The following PANX1 variants were observed in gnomAD, a reference collection of about 807,000 sequenced individuals.
PANX1 encodes the protein pannexin 1.
PANX1 carries 30 observed loss-of-function variants against 38.7 expected under a neutral mutation model. The observed-to-expected ratio is 0.78, with a 90% confidence interval of 0.58 to 1.05. PANX1 has a LOEUF of 1.05. Among genes scored for constraint, PANX1 ranks in the 50% least tolerant of loss-of-function variants. The pLI, the probability that PANX1 is intolerant of heterozygous loss-of-function variation, is 0.00. For missense variants in PANX1, 551 were observed against 517.2 expected (o/e 1.07, Z -0.63); for synonymous variants, 230 against 212.2 (o/e 1.08, Z -0.73).
At chr11:94,157,745 C>A (rs969326483) in intron 2 of PANX1, among the ~76,000 whole-genome samples, 3 of 152,094 alleles carry the variant, frequency 2.0e-5, no homozygotes, top group South Asian at 4.2e-4. Context: ...CTTTAGTTTA[C>A]TTAGATCCCA....
At chr11:94,150,452 A>G (rs1381894301) in intron 1 of PANX1, among the ~76,000 whole-genome samples, 1 of 152,214 alleles carries the variant, frequency 6.6e-6, no homozygotes, top group Non-Finnish European at 1.5e-5. Context: ...TTTACCTCCC[A>G]ATATTATCTT....
rs1395152801 is a variant in PANX1, at chr11:94,129,103, CCCCGCCGG to C, written c.-208_-201del. ...GCTCTCGGGTTCCCGCCCCGCCCCG[CCCCGCCGG>C]CGGCGGAGGCAGCGAGCGCGAGAGC... On this transcript the variant is annotated 5_prime_UTR_variant, in exon 1 of 5. It removes the in-frame stop codon of an upstream open reading frame in the 5' UTR. Coordinates refer to ENST00000227638, the MANE Select transcript of PANX1 (RefSeq NM_015368.4). 2.2e-6 allele frequency: 1 copy of C among 446,366 alleles called. No individual in the cohort carries two copies. Among genetic ancestry groups the C allele is most frequent in the African/African-American group, 2.1e-5 (1 of 48,130 alleles). 27.7% of individuals were successfully genotyped at this position (446,366 alleles called of 1,614,324 possible). A position where few individuals can be genotyped will look rare whatever the true frequency, so the allele number is the denominator to read the frequency against.
chr11:94,137,017 A>G (rs1591504767), intron 1 of PANX1, among the ~76,000 whole-genome samples: 1 of 151,820 alleles, frequency 6.6e-6, no homozygotes, highest in South Asian at 2.1e-4. Flanking sequence ...GAATGGGGGG[A>G]GGTGCTACAC....
At position 94,179,987 on chromosome 11, in the gene PANX1, A is replaced by C; in HGVS notation, c.931A>C (p.Ile311Leu). 2 of 1,595,490 alleles carry C rather than the reference A, an allele frequency of 1.3e-6. No individual in the cohort carries two copies. The highest frequency in any genetic ancestry group is 1.1e-5 in the South Asian group (1 of 88,556). The change falls in exon 4 of 5, where the codon ATC (isoleucine) becomes CTC (leucine). Residue 311 changes from isoleucine to leucine, a missense_variant. Physicochemically the swap from Ile to Leu is conservative, Grantham distance 5. Transcript: ENST00000227638. ...QKTDVLKVYE[I>L]LPTFDVLHFK... ...GACAGATGTTCTCAAAGTGTACGAA[A>C]TCCTCCCCACTTTTGATGTTCTGCA...
rs564086101 is a variant in PANX1 at position 94,156,570 on chromosome 11, A to G, written c.321+2940A>G. ...CATAGGGACAAGAGTCCTGATTTAA[A>G]TCATTGCAATAGCAGTTGAATGACA... On this transcript the variant is annotated intron_variant, in intron 2 of 4. Coordinates refer to ENST00000227638, the MANE Select transcript of PANX1 (RefSeq NM_015368.4). Among the ~76,000 whole-genome samples, 11 of 151,870 alleles carry G rather than the reference A, an allele frequency of 7.2e-5. 1 individual carries two copies. The South Asian group carries it at 2.1e-3, about 29-fold the overall frequency.
chr11:94,176,074 AG>A (rs1239563573), intron 2 of PANX1, among the ~76,000 whole-genome samples: 1 of 151,652 alleles, frequency 6.6e-6, no homozygotes, highest in Non-Finnish European at 1.5e-5. Context: ...GTTTTTATGT[AG>A]GCAACAATCC....
chr11:94,159,051 T>G lies in PANX1; in HGVS notation c.321+5421T>G, dbSNP rs549092452. 1.4e-4 allele frequency among the ~76,000 whole-genome samples: 22 copies of G among 152,334 alleles called. No individual in the cohort carries two copies. The South Asian group carries it at 3.1e-3, about 22-fold the overall frequency. On this transcript the variant is annotated intron_variant, in intron 2 of 4. Transcript: ENST00000227638. ...GTTCTGTTTATATGCTGGATTACAT[T>G]TATTGATTTGCGTATGTTGAACCAG...
At position 94,175,769 on chromosome 11, in the gene PANX1, A is replaced by C. The variant is rs540184433; in HGVS notation, c.322-2600A>C. The C allele has an allele frequency of 1.7e-4, 170 of 984,816 alleles. 2 individuals are homozygous for C. In the Middle Eastern group the frequency reaches 5.7e-3, roughly 33 times the overall value. The allele number at this position is 984,816 out of a possible 1,614,324, so 61.0% of individuals were successfully genotyped here. A position where few individuals can be genotyped will look rare whatever the true frequency, so the allele number is the denominator to read the frequency against. Reference sequence around the variant, plus strand: ...CAGCCAGCTATGAATTATGCAGCCAAAATTCAGCTAATCACAGCCTGCTTT... The same window carrying C: ...CAGCCAGCTATGAATTATGCAGCCACAATTCAGCTAATCACAGCCTGCTTT... On this transcript the variant is annotated intron_variant, in intron 2 of 4. Transcript: ENST00000227638.
At chr11:94,144,539 C>A (rs1946804948) in intron 1 of PANX1, among the ~76,000 whole-genome samples, 1 of 152,174 alleles carries the variant, frequency 6.6e-6, no homozygotes, top group African/African-American at 2.4e-5. Flanking sequence ...CACACTCCAG[C>A]CATTGACTGC....
intron 1 of PANX1, among the ~76,000 whole-genome samples, chr11:94,142,538 G>A (rs1591508007): frequency 6.6e-6 from 1 of 152,128 alleles, no homozygotes; most frequent in African/African-American, 2.4e-5. Flanking sequence ...GTTTTCTTGC[G>A]CTGTTTTCCA....
At chr11:94,133,553 A>C (rs569219053) in intron 1 of PANX1, among the ~76,000 whole-genome samples, 1 of 152,226 alleles carries the variant, frequency 6.6e-6, no homozygotes, top group South Asian at 2.1e-4. Flanking sequence ...GCTTTTGGAC[A>C]GTGAGATACT....
chr11:94,162,322 G>A (rs60464761), intron 2 of PANX1, among the ~76,000 whole-genome samples: 1 of 152,146 alleles, frequency 6.6e-6, no homozygotes, highest in Admixed American at 6.5e-5. Context: ...CAGAGGTGGA[G>A]TCTACAGAGG....
intron 2 of PANX1, among the ~76,000 whole-genome samples, chr11:94,161,194 T>C (rs1947027330): frequency 6.6e-6 from 1 of 152,164 alleles, no homozygotes; most frequent in Non-Finnish European, 1.5e-5. Context: ...AATCTGACAA[T>C]TATGTGTCTT....
chr11:94,140,139 A>G lies in PANX1; in HGVS notation c.181+10646A>G, dbSNP rs375979666. On this transcript the variant is annotated intron_variant, in intron 1 of 4. Coordinates refer to ENST00000227638, the MANE Select transcript of PANX1 (RefSeq NM_015368.4). Reference sequence around the variant, plus strand: ...GTGAATATTTCAGTATGAAGGATAAATAGGCTATACATGGACTTGGTGCTT... The same window carrying G: ...GTGAATATTTCAGTATGAAGGATAAGTAGGCTATACATGGACTTGGTGCTT... Among the ~76,000 whole-genome samples, 85 of 152,388 alleles carry G rather than the reference A, an allele frequency of 5.6e-4. 2 individuals are homozygous for G. The highest frequency in any genetic ancestry group is 2.0e-3 in the African/African-American group (82 of 41,596).
chr11:94,163,618 A>G (rs1366846410), intron 2 of PANX1, among the ~76,000 whole-genome samples: 1 of 152,174 alleles, frequency 6.6e-6, no homozygotes, highest in African/African-American at 2.4e-5. Flanking sequence ...TTATTGAATC[A>G]GTTTGCTAGG....
In PANX1 at chr11:94,180,090, A is replaced by C; in HGVS notation, c.1034A>C (p.Tyr345Ser). Reference sequence around the variant, plus strand: ...GAAAATATAAGTGAGGTCAAGTCATACAAGTGTCTTAAGGTACTGGAGAAT... The same window carrying C: ...GAAAATATAAGTGAGGTCAAGTCATCCAAGTGTCTTAAGGTACTGGAGAAT... ...LEENISEVKS[Y>S]KCLKVLENIK... The change falls in exon 4 of 5, where the codon TAC becomes TCC. Residue 345 changes from tyrosine to serine, a missense_variant. By Grantham distance (144) the Tyr-to-Ser change is moderately radical. Transcript: ENST00000227638. The C allele has an allele frequency of 6.2e-7, 1 of 1,614,072 alleles. No individual in the cohort carries two copies. Among genetic ancestry groups the C allele is most frequent in the South Asian group, 1.1e-5 (1 of 91,074 alleles).
In PANX1 at chr11:94,178,507, A is replaced by G; in HGVS notation, c.460A>G (p.Ile154Val). 2 of 1,614,124 alleles carry G rather than the reference A, an allele frequency of 1.2e-6. No individual in the cohort carries two copies. The highest frequency in any genetic ancestry group is 1.7e-6 in the Non-Finnish European group (2 of 1,180,022). Residue 154 changes from isoleucine (I) to valine (V), a missense_variant, in exon 3 of 5, where the codon ATT becomes GTT. Transcript: ENST00000227638. ...ACTTGACAAAGTTTACAACCGTGCA[A>G]TTAAGGCTGCAAAGAGTGCGCGTGA... ...EELDKVYNRA[I>V]KAAKSARDLD...
intron 2 of PANX1, among the ~76,000 whole-genome samples, chr11:94,172,241 C>T (rs1159288366): frequency 2.6e-5 from 4 of 151,520 alleles, no homozygotes; most frequent in Non-Finnish European, 4.4e-5. Flanking sequence ...TGGTTTTTAT[C>T]GGCTTCCCAG....
At chr11:94,142,177 G>A (rs556145587) in intron 1 of PANX1, among the ~76,000 whole-genome samples, 21 of 152,250 alleles carry the variant, frequency 1.4e-4, no homozygotes, top group African/African-American at 4.3e-4. Flanking sequence ...CTGGGTCTCC[G>A]GCTCTGCTGC....
Sources: gnomAD v4.1 joint callset for allele counts (sites outside exome capture counted in the v4.1 genomes callset) on GRCh38, gnomAD v4.1.1 for gene constraint, MANE v1.5 for transcripts, NCBI Gene and HGNC (gene_info 2026-07-23, HGNC 2026-07-21) for gene names.